The following LDHB variants were observed in gnomAD, a reference collection of about 807,000 sequenced individuals.
The protein encoded by LDHB is L-lactate dehydrogenase B chain.
A neutral mutation model predicts 33.4 loss-of-function variants in LDHB; 18 were observed. The observed-to-expected ratio is 0.54, with a 90% CI of 0.37 to 0.80. The LOEUF (loss-of-function observed/expected upper bound fraction) is 0.80. Among genes scored for constraint, LDHB ranks in the 30% least tolerant of loss-of-function variants. LDHB has a pLI of 0.00. For missense variants in LDHB, 345 were observed against 407.9 expected (o/e 0.85, Z 1.33); for synonymous variants, 121 against 140.6 (o/e 0.86, Z 0.98).
intron 2 of LDHB, chr12:21,654,255 G>A (rs1435582794): frequency 3.6e-5 from 14 of 389,288 alleles, no homozygotes; most frequent in Admixed American, 3.5e-4. Flanking sequence ...GCATGATTTT[G>A]ACAACATGGA....
chr12:21,650,245 C>T (rs1053452215), intron 2 of LDHB, among the ~76,000 whole-genome samples: 4 of 151,964 alleles, frequency 2.6e-5, no homozygotes, highest in Non-Finnish European at 5.9e-5. Context: ...TATGTGCCAT[C>T]TATTCAATAG....
intron 1 of LDHB, among the ~76,000 whole-genome samples, chr12:21,655,969 A>G (rs997822865): frequency 6.6e-6 from 1 of 152,190 alleles, no homozygotes; most frequent in African/African-American, 2.4e-5. Flanking sequence ...ATTATTACTT[A>G]TAATTGTAGT....
At chr12:21,651,466 C>T (rs890298492) in intron 2 of LDHB, among the ~76,000 whole-genome samples, 1 of 152,180 alleles carries the variant, frequency 6.6e-6, no homozygotes, top group African/African-American at 2.4e-5. Flanking sequence ...GTGGGCTTCG[C>T]GAATCTGGCT....
intron 2 of LDHB, among the ~76,000 whole-genome samples, chr12:21,650,962 G>A (rs974668192): frequency 6.6e-6 from 1 of 152,212 alleles, no homozygotes; most frequent in Non-Finnish European, 1.5e-5. Flanking sequence ...ATTTTATATC[G>A]GAAGGCAGGG....
chr12:21,650,105 TACACACACACACACAC>T (rs765877721), intron 2 of LDHB, among the ~76,000 whole-genome samples: 4 of 30,976 alleles, frequency 1.3e-4, no homozygotes, highest in African/African-American at 3.1e-4. Flanking sequence ...AGAAAAAAAA[TACACACACACACACAC>T]ACACACACAC....
At chr12:21,657,306 G>C (rs911692053) in intron 1 of LDHB, 2 of 152,176 alleles carry the variant, frequency 1.3e-5, no homozygotes, top group African/African-American at 4.8e-5. Context: ...GCGAGTGCAA[G>C]GGCATTTCTC....
rs374548634 is a variant in LDHB, at chr12:21,642,073, G to A, written c.474C>T (p.Arg158=). The change falls in exon 5 of 8, where the codon CGC becomes CGT. Residue 158 remains arginine (R), a synonymous_variant. Transcript: ENST00000350669. Reference sequence around the variant, plus strand: ...CCAGATTACATCCACTTCCAATCACGCGGTGTTTGGGTAATCCACTTAGTT... The same window carrying A: ...CCAGATTACATCCACTTCCAATCACACGGTGTTTGGGTAATCCACTTAGTT... ...TWKLSGLPKH[R]VIGSGCNLDS... is the part of the protein sequence containing the mutation. 6.9e-5 allele frequency: 112 copies of A among 1,612,502 alleles called. No homozygotes were observed. The highest frequency in any genetic ancestry group is 8.9e-5 in the Non-Finnish European group (105 of 1,178,982).
rs1938461825 is a variant in LDHB at position 21,644,430 on chromosome 12, A to AC, written c.248-323_248-322insG. Among the ~76,000 whole-genome samples, 7 of 136,240 alleles carry AC rather than the reference A, an allele frequency of 5.1e-5. 1 individual carries two copies. Among genetic ancestry groups the AC allele is most frequent in the African/African-American group, 2.0e-4 (7 of 35,668 alleles). The allele number at this position is 136,240 out of a possible 152,430, so 89.4% of individuals were successfully genotyped here. ...GACTCCAATAGGTAGACATCAAAAA[A>AC]AAAAAAAAAAAAAAACAAAAACAAA... On this transcript the variant is annotated intron_variant, in intron 3 of 7. Transcript: ENST00000350669.
intron 2 of LDHB, among the ~76,000 whole-genome samples, chr12:21,649,829 T>C (rs4275672): frequency 0.95 from 143,577 of 151,930 alleles, 68,343 homozygotes; most frequent in East Asian, 1. Flanking sequence ...TGGTGGCTCA[T>C]GCGTGTAATC....
In LDHB at chr12:21,644,041, C is replaced by A; in HGVS notation, c.315G>T (p.Glu105Asp). The change falls in exon 4 of 8, where the codon GAG becomes GAT. Residue 105 changes from glutamate to aspartate, a missense_variant. Glu to Asp is a conservative substitution (Grantham distance 45). Transcript: ENST00000350669. ...TTCTCTGCACCAGATTGAGCCGACTCTCCCCTTCTTGCTGACGGACTCCTG... is the reference window on the plus strand; with the variant it reads ...TTCTCTGCACCAGATTGAGCCGACTATCCCCTTCTTGCTGACGGACTCCTG... ...VTAGVRQQEG[E>D]SRLNLVQRNV... The A allele has an allele frequency of 6.2e-7, 1 of 1,612,910 alleles. No individual in the cohort carries two copies. The highest frequency in any genetic ancestry group is 8.5e-7 in the Non-Finnish European group (1 of 1,178,930).
intron 1 of LDHB, chr12:21,657,123 T>C (rs1210767972): frequency 6.6e-6 from 1 of 152,062 alleles, no homozygotes; most frequent in African/African-American, 2.4e-5. Context: ...GTCTAGGACT[T>C]CCTTACTCGG....
intron 5 of LDHB, among the ~76,000 whole-genome samples, chr12:21,641,563 C>CT (rs1455695542): frequency 6.6e-6 from 1 of 152,122 alleles, no homozygotes; most frequent in Non-Finnish European, 1.5e-5. Flanking sequence ...TTAGAGGACA[C>CT]TATTGAGACA....
At chr12:21,643,220 G>GA (rs1938421548) in intron 4 of LDHB, among the ~76,000 whole-genome samples, 1 of 152,192 alleles carries the variant, frequency 6.6e-6, no homozygotes. Flanking sequence ...TGGGAAGTGT[G>GA]AGAGATAATC....
chr12:21,643,453 A>G (rs1469539247), intron 4 of LDHB: 1 of 158,572 alleles, frequency 6.3e-6, no homozygotes, highest in African/African-American at 2.4e-5. Flanking sequence ...TGGTGTTAGC[A>G]TATATTTGTC....
intron 2 of LDHB, among the ~76,000 whole-genome samples, chr12:21,651,464 C>T (rs73260149): frequency 0.016 from 2,377 of 152,256 alleles, 69 homozygotes; most frequent in African/African-American, 0.053. Flanking sequence ...TAGTGGGCTT[C>T]GCGAATCTGG....
chr12:21,642,229 A>G, intron 4 of LDHB, 104 bp from the exon 5 acceptor site: 3 of 763,214 alleles, frequency 3.9e-6, no homozygotes, highest in Non-Finnish European at 7.1e-6. Context: ...CCCACTCCCC[A>G]AATGAGATGT....
chr12:21,647,047 T>C, intron 2 of LDHB, 31 bp from the exon 3 acceptor site: 2 of 1,330,212 alleles, frequency 1.5e-6, no homozygotes. Context: ...ATTAGAACCC[T>C]AAGCCACTCT....
In LDHB at chr12:21,637,193, C is replaced by T; in HGVS notation, c.715G>A (p.Ala239Thr). 1 of 1,596,552 alleles carries T rather than the reference C, an allele frequency of 6.3e-7. No homozygotes were observed. The highest frequency in any genetic ancestry group is 8.6e-7 in the Non-Finnish European group (1 of 1,166,144). Residue 239 changes from alanine (A) to threonine (T), a missense_variant and splice_region_variant, in exon 7 of 8, where the codon GCC becomes ACC. Ala to Thr is a moderately conservative substitution (Grantham distance 58). Transcript: ENST00000350669. The part of the protein sequence containing the change: ...KEVHKMVVES[A>T]YEVIKLKGYT... ...CCTTTTAGCTTGATGACTTCATAGG[C>T]ACTTAAAAAAATTATAAAAGACATC...
Position 21,646,989 on chromosome 12 carries a change from C to T in LDHB, c.157G>A (p.Asp53Asn). ...KSLADELALV[D>N]VLEDKLKGEM... ...CCTTTAAGCTTATCTTCCAAAACAT[C>T]CACAAGAGCAAGTTCATCAGCCAGA... The change falls in exon 3 of 8, where the codon GAT (aspartate) becomes AAT (asparagine). Residue 53 changes from aspartate to asparagine, a missense_variant. By Grantham distance (23) the Asp-to-Asn change is conservative (BLOSUM62 1). Transcript: ENST00000350669. The T allele has an allele frequency of 6.2e-7, 1 of 1,613,520 alleles. No individual in the cohort carries two copies. Among genetic ancestry groups the T allele is most frequent in the Non-Finnish European group, 8.5e-7 (1 of 1,179,550 alleles).
Sources: gnomAD v4.1 joint callset for allele counts (sites outside exome capture counted in the v4.1 genomes callset) on GRCh38, gnomAD v4.1.1 for gene constraint, MANE v1.5 for transcripts, NCBI Gene and HGNC (gene_info 2026-07-23, HGNC 2026-07-21) for gene names.